The following PIGT variants were observed in gnomAD, a reference collection of about 807,000 sequenced individuals.
The protein encoded by PIGT is GPI-anchor transamidase component PIGT.
Under a neutral mutation model 66.7 loss-of-function variants are expected in PIGT, and 57 were observed. The ratio of observed to expected loss-of-function variants is 0.86; its 90% CI spans 0.69 to 1.07. The LOEUF is 1.07. PIGT is among the 50% of genes least tolerant of loss of function. The probability of loss-of-function intolerance (pLI) is 0.00; values close to 1 mark genes in which losing one functional copy is unlikely to be tolerated. For synonymous variants in PIGT, 362 were observed against 320.5 expected (o/e 1.13, Z -1.38); for missense variants, 725 against 740.4 (o/e 0.98, Z 0.24).
rs1441672179 is a variant in PIGT at position 45,420,144 on chromosome 20, C to T, written c.690C>T (p.Arg230=). 6.2e-7 allele frequency: 1 copy of T among 1,611,110 alleles called. No individual in the cohort carries two copies. The highest frequency in any genetic ancestry group is 1.1e-5 in the South Asian group (1 of 90,346). The change falls in exon 6 of 12, where the codon CGC becomes CGT. Residue 230 remains arginine (R), a synonymous_variant. Coordinates refer to ENST00000279036, the MANE Select transcript of PIGT (RefSeq NM_015937.6). ...VHIRPVCRNA[R]CTSISWELRQ... is the part of the protein sequence containing the mutation. Reference sequence around the variant, plus strand: ...TCTGGCCCTTGTGATAGAATGCACGCTGTACTAGCATCTCCTGGGAGCTGA... The same window carrying T: ...TCTGGCCCTTGTGATAGAATGCACGTTGTACTAGCATCTCCTGGGAGCTGA...
Position 45,425,729 on chromosome 20 carries a change from T to G in PIGT, c.1640T>G (p.Leu547Arg). Residue 547 changes from leucine to arginine, a missense_variant, in exon 12 of 12, where the codon CTC becomes CGC. Leu to Arg is a moderately radical substitution (Grantham distance 102, BLOSUM62 -2). This residue lies in a region of PIGT where 162 missense variants were observed against 171.1 expected (regional missense o/e 0.95). Coordinates refer to ENST00000279036, the MANE Select transcript of PIGT (RefSeq NM_015937.6). The part of the protein sequence containing the change: ...AVCYGSFYNL[L>R]TRTFHIEEPR... Reference sequence around the variant, plus strand: ...TGCTATGGCTCCTTCTACAATCTCCTCACCCGAACCTTCCACATCGAGGAG... The same window carrying G: ...TGCTATGGCTCCTTCTACAATCTCCGCACCCGAACCTTCCACATCGAGGAG... The G allele has an allele frequency of 6.2e-7, 1 of 1,614,120 alleles. No individual in the cohort carries two copies. Among genetic ancestry groups the G allele is most frequent in the Non-Finnish European group, 8.5e-7 (1 of 1,179,976 alleles).
chr20:45,425,849 C>T lies in PIGT; in HGVS notation c.*23C>T, dbSNP rs535483273. On this transcript the variant is annotated 3_prime_UTR_variant, in exon 12 of 12. Transcript: ENST00000279036. ...TGATTCTTGCCCTTTCCAGCAGCTGCAGCTGCCGTTTCTCTCTGGGGAGGG... is the reference window on the plus strand; with the variant it reads ...TGATTCTTGCCCTTTCCAGCAGCTGTAGCTGCCGTTTCTCTCTGGGGAGGG... 205 of 1,604,696 alleles carry T rather than the reference C, an allele frequency of 1.3e-4. 4 individuals carry two copies. In the South Asian group the frequency reaches 2.0e-3, roughly 16 times the overall value.
chr20:45,420,768 GT>G, intron 8 of PIGT, 75 bp downstream of exon 8: 1 of 1,450,764 alleles, frequency 6.9e-7, no homozygotes, highest in Non-Finnish European at 9.7e-7. Flanking sequence ...CGTCTTTGCC[GT>G]TAGATGATTG....
At chr20:45,421,324 G>T in intron 8 of PIGT, 59 bp from the exon 9 acceptor site, 1 of 1,442,586 alleles carries the variant, frequency 6.9e-7, no homozygotes, top group Admixed American at 2.0e-5. Context: ...CTGGGCAGGT[G>T]GGGTGGGGAG....
At chr20:45,421,621 C>A in intron 9 of PIGT, 38 bp downstream of exon 9, 1 of 1,532,652 alleles carries the variant, frequency 6.5e-7, no homozygotes, top group Non-Finnish European at 9.0e-7. Flanking sequence ...CCCAGCCCGC[C>A]CTCTCATGTC....
intron 3 of PIGT, 115 bp downstream of exon 3, chr20:45,419,094 T>A (rs1990172362): frequency 6.7e-6 from 9 of 1,350,482 alleles, no homozygotes; most frequent in Non-Finnish European, 9.4e-6. Context: ...AAGTCCCCTG[T>A]GTGTGCAGGC....
intron 11 of PIGT, chr20:45,425,153 TTCTTTCTTTCTTTCTTTC>T (rs1990646649): frequency 1.2e-5 from 1 of 82,162 alleles, no homozygotes; most frequent in Non-Finnish European, 2.5e-5. Context: ...CTTTCTTTCT[TTCTTTCTTTCTTTCTTTC>T]TTTCTTTCTT....
Position 45,420,228 on chromosome 20 carries a change from G to A in PIGT, c.769+5G>A, listed in dbSNP as rs1398815664. The A allele has an allele frequency of 8.7e-6, 14 of 1,608,430 alleles. No homozygotes were observed. The highest frequency in any genetic ancestry group is 1.2e-5 in the Non-Finnish European group (14 of 1,176,704). The stretch of plus-strand genomic sequence containing the variant: ...TCACGGGGCAGGGAAAGAAAGGTAA[G>A]TTACCTTGGCAACTCATCTGTACCC... On this transcript the variant is annotated splice_donor_5th_base_variant and intron_variant, in intron 6 of 11. Coordinates refer to ENST00000279036, the MANE Select transcript of PIGT (RefSeq NM_015937.6).
chr20:45,425,157 T>C (rs942154873), intron 11 of PIGT: 2 of 114,440 alleles, frequency 1.7e-5, no homozygotes, highest in African/African-American at 7.0e-5. Flanking sequence ...CTTTCTTTCT[T>C]TCTTTCTTTC....
In PIGT at chr20:45,416,288, A is replaced by G. The variant is rs752609898; in HGVS notation, c.132A>G (p.Val44=). The G allele has an allele frequency of 3.8e-5, 61 of 1,598,214 alleles. No individual in the cohort carries two copies. The South Asian group carries it at 6.0e-4, about 16-fold the overall frequency. Reference sequence around the variant, plus strand: ...TCACCCCGCTGCCTTCCGGGGACGTAGCCGCCACATTCCAGTTCCGCACGC... The same window carrying G: ...TCACCCCGCTGCCTTCCGGGGACGTGGCCGCCACATTCCAGTTCCGCACGC... ...LVITPLPSGD[V]AATFQFRTRW... Residue 44 remains valine (V), a synonymous_variant, in exon 1 of 12, where the codon GTA becomes GTG. Coordinates refer to ENST00000279036, the MANE Select transcript of PIGT (RefSeq NM_015937.6).
At chr20:45,421,105 A>G in intron 8 of PIGT, 2 of 537,568 alleles carry the variant, frequency 3.7e-6, no homozygotes, top group Non-Finnish European at 6.6e-6. Context: ...TTCCCTTACC[A>G]AGGGAAAGAG....
chr20:45,419,697 A>G (rs552197269), intron 5 of PIGT, 107 bp downstream of exon 5: 3 of 813,742 alleles, frequency 3.7e-6, no homozygotes, highest in East Asian at 2.4e-5. Context: ...TGAGTGGTAG[A>G]TGTGATGACG....
At position 45,416,147 on chromosome 20, in the gene PIGT, A is replaced by G; in HGVS notation, c.-10A>G. ...CGAGCGCCGCTGGGTAGGCGGAAGTAGCCGCAGGCATGGCGGCGGCTATGC... is the reference window on the plus strand; with the variant it reads ...CGAGCGCCGCTGGGTAGGCGGAAGTGGCCGCAGGCATGGCGGCGGCTATGC... On this transcript the variant is annotated 5_prime_UTR_variant, in exon 1 of 12. Transcript: ENST00000279036. The G allele has an allele frequency of 6.5e-7, 1 of 1,548,384 alleles. No individual in the cohort carries two copies. The highest frequency in any genetic ancestry group is 8.7e-7 in the Non-Finnish European group (1 of 1,148,700).
At chr20:45,422,833 G>A (rs1990453206) in intron 9 of PIGT, 1 of 152,074 alleles carries the variant, frequency 6.6e-6, no homozygotes, top group Non-Finnish European at 1.5e-5. Flanking sequence ...TTTCCCCTGT[G>A]GTCTTAAAAA....
rs1376438024 is a variant in PIGT at position 45,421,032 on chromosome 20, C to T, written c.1033+339C>T. The T allele has an allele frequency of 7.9e-6, 4 of 505,284 alleles. No homozygotes were observed. In the East Asian group the frequency reaches 1.4e-4, roughly 17 times the overall value. The allele number at this position is 505,284 out of a possible 1,614,324, so 31.3% of individuals were successfully genotyped here. ...GTTGAATAAGACAGAGGACACTGCA[C>T]TCAAGAAATATAAGTCTACTAGCTA... On this transcript the variant is annotated intron_variant, in intron 8 of 11. Transcript: ENST00000279036.
rs777838427 is a variant in PIGT, at chr20:45,416,174, G to C, written c.18G>C (p.Pro6=). 1 of 1,575,846 alleles carries C rather than the reference G, an allele frequency of 6.3e-7. No individual in the cohort carries two copies. ...CCGCAGGCATGGCGGCGGCTATGCC[G>C]CTTGCTCTGCTCGTCCTGTTGCTCC... is the stretch of plus-strand genomic sequence containing the variant. The part of the protein sequence containing the change: MAAAM[P]LALLVLLLLG... Residue 6 remains proline, a synonymous_variant, in exon 1 of 12, where the codon CCG becomes CCC. Coordinates refer to ENST00000279036, the MANE Select transcript of PIGT (RefSeq NM_015937.6).
At position 45,416,311 on chromosome 20, in the gene PIGT, C is replaced by G; in HGVS notation, c.155C>G (p.Thr52Arg). The G allele has an allele frequency of 6.3e-7, 1 of 1,595,298 alleles. No homozygotes were observed. Among genetic ancestry groups the G allele is most frequent in the Non-Finnish European group, 8.6e-7 (1 of 1,169,434 alleles). ...GDVAATFQFR[T>R]RWDSELQREG... is the part of the protein sequence containing the mutation. Reference sequence around the variant, plus strand: ...GTAGCCGCCACATTCCAGTTCCGCACGCGCTGGGATTCGGAGCTTCAGCGG... The same window carrying G: ...GTAGCCGCCACATTCCAGTTCCGCAGGCGCTGGGATTCGGAGCTTCAGCGG... The change falls in exon 1 of 12, where the codon ACG becomes AGG. Residue 52 changes from threonine to arginine, a missense_variant. Around this residue, in one of 3 missense-constraint regions of PIGT, gnomAD observed 559 missense variants for 552.7 expected, o/e 1.01. Transcript: ENST00000279036.
rs556198727 is a variant in PIGT, at chr20:45,425,754, G to A, written c.1665G>A (p.Glu555=). 6.2e-7 allele frequency: 1 copy of A among 1,614,070 alleles called. No individual in the cohort carries two copies. The highest frequency in any genetic ancestry group is 2.2e-5 in the East Asian group (1 of 44,874). The change falls in exon 12 of 12, where the codon GAG becomes GAA. Residue 555 remains glutamate (E), a synonymous_variant. Coordinates refer to ENST00000279036, the MANE Select transcript of PIGT (RefSeq NM_015937.6). ...NLLTRTFHIE[E]PRTGGLAKRL... ...TCACCCGAACCTTCCACATCGAGGA[G>A]CCCCGCACAGGTGGCCTGGCCAAGC...
intron 9 of PIGT, 199 bp from the exon 10 acceptor site, chr20:45,424,017 C>T (rs1024505495): frequency 9.2e-5 from 55 of 595,514 alleles, no homozygotes; most frequent in South Asian, 7.1e-4. Flanking sequence ...CTCTCTTGAT[C>T]GCATCCTGGG....
Sources: gnomAD v4.1 joint callset for allele counts on GRCh38, gnomAD v4.1.1 for gene constraint, gnomAD v4.1.1 regional missense constraint, MANE v1.5 for transcripts, NCBI Gene and HGNC (gene_info 2026-07-23, HGNC 2026-07-21) for gene names.